RNF13: variants seen among roughly 807,000 people sequenced by gnomAD.
RNF13 encodes the protein ring finger protein 13.
In RNF13, 19 loss-of-function variants were observed where a neutral mutation model predicts 37.7. The observed-to-expected ratio is 0.50, with a 90% CI of 0.35 to 0.74. The LOEUF is 0.74. RNF13 is among the 30% of genes least tolerant of loss of function. The pLI, the probability that RNF13 is intolerant of heterozygous loss-of-function variation, is 0.01. For synonymous variants in RNF13, 144 were observed against 157.8 expected, an observed-to-expected ratio of 0.91 and a Z score of 0.65; for missense variants, 375 against 453.0, an observed-to-expected ratio of 0.83 and a Z score of 1.56.
At chr3:149,904,905 G>A (rs961383697) in intron 6 of RNF13, among the ~76,000 whole-genome samples, 9 of 152,002 alleles carry the variant, frequency 5.9e-5, no homozygotes, top group African/African-American at 1.9e-4. Flanking sequence ...TGACTTGATT[G>A]TTTATCCTTG....
At chr3:149,864,573 C>T (rs757427415) in intron 3 of RNF13, among the ~76,000 whole-genome samples, 20 of 152,148 alleles carry the variant, frequency 1.3e-4, no homozygotes, top group Admixed American at 4.6e-4. Flanking sequence ...GTATCATATC[C>T]ATTGAGTGAA....
chr3:149,888,054 G>A (rs2108476249), intron 4 of RNF13, among the ~76,000 whole-genome samples: 1 of 152,218 alleles, frequency 6.6e-6, no homozygotes, highest in Middle Eastern at 3.4e-3. Flanking sequence ...TAGTGAGTAA[G>A]CACTTAAAAT....
At chr3:149,832,664 G>A (rs1721181728) in intron 1 of RNF13, among the ~76,000 whole-genome samples, 1 of 152,078 alleles carries the variant, frequency 6.6e-6, no homozygotes, top group South Asian at 2.1e-4. Flanking sequence ...GAAAACAAGA[G>A]AGGAGACTCA....
intron 7 of RNF13, among the ~76,000 whole-genome samples, chr3:149,920,115 G>A (rs1717966116): frequency 6.6e-6 from 1 of 152,060 alleles, no homozygotes; most frequent in Admixed American, 6.6e-5. Flanking sequence ...ATTGAGTTTT[G>A]AGAGGTTTTT....
chr3:149,819,925 T>A (rs1719859863), intron 1 of RNF13, among the ~76,000 whole-genome samples: 1 of 152,158 alleles, frequency 6.6e-6, no homozygotes, highest in Non-Finnish European at 1.5e-5. Context: ...TCAGTCTTTT[T>A]AACTTTGAAA....
At chr3:149,918,806 G>C (rs1047508706) in intron 7 of RNF13, among the ~76,000 whole-genome samples, 3 of 151,280 alleles carry the variant, frequency 2.0e-5, no homozygotes, top group African/African-American at 7.3e-5. Flanking sequence ...TGGAATTACA[G>C]GTGTGAGCCA....
At chr3:149,915,533 A>C (rs1717419038) in intron 7 of RNF13, among the ~76,000 whole-genome samples, 1 of 152,212 alleles carries the variant, frequency 6.6e-6, no homozygotes, top group Non-Finnish European at 1.5e-5. Context: ...AAAGACTCGA[A>C]TAGATATTTG....
At chr3:149,835,667 T>TTG (rs1553751536) in intron 1 of RNF13, among the ~76,000 whole-genome samples, 24 of 87,994 alleles carry the variant, frequency 2.7e-4, no homozygotes, top group African/African-American at 6.7e-4. Flanking sequence ...GTGTGTGTGT[T>TTG]TGTGTGTGTG....
intron 3 of RNF13, among the ~76,000 whole-genome samples, chr3:149,870,457 A>G (rs555404725): frequency 2.0e-5 from 3 of 151,234 alleles, no homozygotes; most frequent in East Asian, 3.9e-4. Flanking sequence ...TTCTTTTTCT[A>G]TGGGGGGAGT....
chr3:149,897,681 G>A (rs568294846), intron 5 of RNF13, among the ~76,000 whole-genome samples: 32 of 152,250 alleles, frequency 2.1e-4, no homozygotes, highest in Non-Finnish European at 2.1e-4. Flanking sequence ...GACAAATGTT[G>A]TAAAGATCTT....
chr3:149,857,841 G>A (rs1248518221), intron 3 of RNF13, among the ~76,000 whole-genome samples: 1 of 152,112 alleles, frequency 6.6e-6, no homozygotes, highest in Admixed American at 6.5e-5. Flanking sequence ...TTATTGAGTA[G>A]TTACTATGGT....
At chr3:149,871,580 A>G (rs961074215) in intron 3 of RNF13, among the ~76,000 whole-genome samples, 1 of 151,802 alleles carries the variant, frequency 6.6e-6, no homozygotes, top group Non-Finnish European at 1.5e-5. Flanking sequence ...TAATGTACCA[A>G]TGACTGTCTT....
At chr3:149,892,023 C>A (rs1392877380) in intron 4 of RNF13, among the ~76,000 whole-genome samples, 4 of 152,084 alleles carry the variant, frequency 2.6e-5, no homozygotes, top group African/African-American at 9.7e-5. Context: ...GATTTAATTT[C>A]ATTTCTTTAT....
chr3:149,939,037 C>A, intron 8 of RNF13: 2 of 486,838 alleles, frequency 4.1e-6, no homozygotes, highest in South Asian at 3.3e-5. Flanking sequence ...ACCTCCTGGT[C>A]AGTCATCCGG....
intron 3 of RNF13, among the ~76,000 whole-genome samples, chr3:149,861,392 T>C (rs1724240992): frequency 6.6e-6 from 1 of 152,042 alleles, no homozygotes; most frequent in African/African-American, 2.4e-5. Context: ...TGTCCATGAA[T>C]AGATGAATGG....
intron 8 of RNF13, among the ~76,000 whole-genome samples, chr3:149,953,871 G>T (rs1721596557): frequency 6.6e-6 from 1 of 152,150 alleles, no homozygotes; most frequent in Admixed American, 6.5e-5. Flanking sequence ...ATAGTGCTTG[G>T]CACATAGAAC....
intron 5 of RNF13, among the ~76,000 whole-genome samples, chr3:149,897,364 A>G (rs1227367239): frequency 6.6e-6 from 1 of 152,128 alleles, no homozygotes; most frequent in Non-Finnish European, 1.5e-5. Flanking sequence ...TAAACTATTT[A>G]CTCTTTTGAC....
At chr3:149,925,183 C>T (rs758295153) in intron 8 of RNF13, among the ~76,000 whole-genome samples, 2 of 152,096 alleles carry the variant, frequency 1.3e-5, no homozygotes, top group Non-Finnish European at 2.9e-5. Context: ...GCAGCCTGAA[C>T]CCATTTTGAA....
intron 8 of RNF13, among the ~76,000 whole-genome samples, chr3:149,948,387 T>C (rs1212348847): frequency 2.6e-5 from 4 of 152,244 alleles, no homozygotes; most frequent in Non-Finnish European, 4.4e-5. Flanking sequence ...AAAGGACTAT[T>C]ACTTTTGTTC....
Sources: allele counts gnomAD v4.1 joint callset (sites outside exome capture counted in the v4.1 genomes callset), GRCh38; gene constraint gnomAD v4.1.1; transcripts MANE v1.5; gene names NCBI Gene and HGNC (gene_info 2026-07-23, HGNC 2026-07-21).